Variants in ACADS observed in about 807,000 individuals in gnomAD.
ACADS encodes short-chain specific acyl-CoA dehydrogenase, mitochondrial.
ACADS carries 28 observed loss-of-function variants against 46.8 expected under a neutral mutation model. The observed-to-expected ratio is 0.60, with a 90% CI of 0.44 to 0.82. The LOEUF (loss-of-function observed/expected upper bound fraction) is 0.82. Ranked by LOEUF, ACADS falls within the 40% of genes least tolerant of loss-of-function variation. The probability of loss-of-function intolerance (pLI) is 0.00; values close to 1 mark genes in which losing one functional copy is unlikely to be tolerated. For synonymous variants in ACADS, 236 were observed against 237.7 expected, an observed-to-expected ratio of 0.99 and a Z score of 0.07; for missense variants, 528 against 578.0, an observed-to-expected ratio of 0.91 and a Z score of 0.89.
At chr12:120,737,182 C>T (rs1883479140) in intron 3 of ACADS, 47 bp downstream of exon 3, 1 of 1,553,394 alleles carries the variant, frequency 6.4e-7, no homozygotes, top group Non-Finnish European at 8.7e-7. Context: ...GAGGGAGGCT[C>T]CCGTGAGCGG....
chr12:120,737,292 G>A (rs1194349233), intron 3 of ACADS, 64 bp from the exon 4 acceptor site: 9 of 1,550,874 alleles, frequency 5.8e-6, no homozygotes, highest in African/African-American at 2.7e-5. Context: ...CTGAGGTGCA[G>A]CCCGCAGGTG....
rs945672538 is a variant in ACADS, at chr12:120,725,895, G to A, written c.10G>A (p.Ala4Thr). The change falls in exon 1 of 10, where the codon GCG becomes ACG. Residue 4 changes from alanine to threonine, a missense_variant. Transcript: ENST00000242592. MAA[A>T]LLARASGPAR... is the part of the protein sequence containing the mutation. Reference sequence around the variant, plus strand: ...ACTGTGTCTGTCGCCCATGGCCGCCGCGCTGCTCGCCCGGGCCTCGGGCCC... The same window carrying A: ...ACTGTGTCTGTCGCCCATGGCCGCCACGCTGCTCGCCCGGGCCTCGGGCCC... The A allele has an allele frequency of 7.1e-6, 11 of 1,555,276 alleles. No homozygotes were observed. In the African/African-American group the frequency reaches 1.2e-4, roughly 18 times the overall value.
At chr12:120,731,431 G>A (rs1216656766) in intron 2 of ACADS, among the ~76,000 whole-genome samples, 2 of 150,912 alleles carry the variant, frequency 1.3e-5, no homozygotes, top group Non-Finnish European at 2.9e-5. Flanking sequence ...TTGTCCAGCA[G>A]CAGAGGTGTT....
rs539430171 is a variant in ACADS at position 120,739,764 on chromosome 12, G to C, written c.*316G>C. 1.9e-5 allele frequency: 8 copies of C among 417,432 alleles called. No homozygotes were observed. Among genetic ancestry groups the C allele is most frequent in the African/African-American group, 6.0e-5 (3 of 49,622 alleles). 25.9% of individuals were successfully genotyped at this position (417,432 alleles called of 1,614,324 possible). A position where few individuals can be genotyped will look rare whatever the true frequency, so the allele number is the denominator to read the frequency against. ...CAGTTGTCCTCCCGCGGGCCCTGGT[G>C]CCCTGGCATGAAGGCCCAGTGCGAC... is the stretch of plus-strand genomic sequence containing the variant. On this transcript the variant is annotated 3_prime_UTR_variant, in exon 10 of 10. Transcript: ENST00000242592.
In ACADS at chr12:120,726,062, G is replaced by A. The variant is rs1337796202; in HGVS notation, c.46+131G>A. 8 of 966,390 alleles carry A rather than the reference G, an allele frequency of 8.3e-6. No individual in the cohort carries two copies. In the East Asian group the frequency reaches 2.5e-4, roughly 30 times the overall value. 59.9% of individuals were successfully genotyped at this position (966,390 alleles called of 1,614,324 possible). ...CACTCCGGGAGCGCTCACGGCCTTTGCCCCAGTTCTGCTGCTCCTTGCGCC... is the reference window on the plus strand; with the variant it reads ...CACTCCGGGAGCGCTCACGGCCTTTACCCCAGTTCTGCTGCTCCTTGCGCC... On this transcript the variant is annotated intron_variant, in intron 1 of 9. Transcript: ENST00000242592.
chr12:120,727,873 T>TG (rs1883133582), intron 2 of ACADS, among the ~76,000 whole-genome samples: 1 of 151,816 alleles, frequency 6.6e-6, no homozygotes, highest in African/African-American at 2.4e-5. Flanking sequence ...GACTCAGACT[T>TG]GTGAACAAGT....
rs892321574 is a variant in ACADS at position 120,737,842 on chromosome 12, G to A, written c.478G>A (p.Gly160Ser). 4.3e-6 allele frequency: 7 copies of A among 1,613,836 alleles called. No individual in the cohort carries two copies. The highest frequency in any genetic ancestry group is 3.3e-5 in the Admixed American group (2 of 60,000). Residue 160 changes from glycine to serine, a missense_variant, in exon 5 of 10, where the codon GGC (glycine) becomes AGC (serine). Coordinates refer to ENST00000242592, the MANE Select transcript of ACADS (RefSeq NM_000017.4). Reference sequence around the variant, plus strand: ...CCCTGGGTCTGTGTGGGCAGGGAACGGCAGTGATGCAGGAGCTGCGTCCAC... The same window carrying A: ...CCCTGGGTCTGTGTGGGCAGGGAACAGCAGTGATGCAGGAGCTGCGTCCAC... ...GCFALSEPGNGSDAGAASTTA... is the reference protein window; with the variant it reads ...GCFALSEPGNSSDAGAASTTA...
Position 120,738,652 on chromosome 12 carries a change from C to G in ACADS, c.915C>G (p.Thr305=). The part of the protein sequence containing the change: ...ENRMAFGAPL[T]KLQVIQFKLA... ...GCATGGCCTTCGGGGCGCCCCTCAC[C>G]AAGCTCCAGGTCATCCAGGTAATGG... Residue 305 remains threonine (T), a synonymous_variant, in exon 7 of 10, where the codon ACC becomes ACG. Transcript: ENST00000242592. The G allele has an allele frequency of 6.2e-7, 1 of 1,612,490 alleles. No homozygotes were observed. The highest frequency in any genetic ancestry group is 8.5e-7 in the Non-Finnish European group (1 of 1,180,016).
rs11065234 is a variant in ACADS, at chr12:120,733,257, G to A, written c.211-3729G>A. On this transcript the variant is annotated intron_variant, in intron 2 of 9. Coordinates refer to ENST00000242592, the MANE Select transcript of ACADS (RefSeq NM_000017.4). Reference sequence around the variant, plus strand: ...CCGGGGGGAGAGGGAGAGGGAGAGGGAGAGGGAGAATCCTTGTATTTTTAG... The same window carrying A: ...CCGGGGGGAGAGGGAGAGGGAGAGGAAGAGGGAGAATCCTTGTATTTTTAG... Among the ~76,000 whole-genome samples the A allele has an allele frequency of 0.019, 2,867 of 151,926 alleles. 234 individuals carry two copies. In the East Asian group the frequency reaches 0.27, roughly 14 times the overall value.
chr12:120,739,307 C>G lies in ACADS; in HGVS notation c.1098C>G (p.Ile366Met), dbSNP rs953695669. 6.2e-7 allele frequency: 1 copy of G among 1,613,046 alleles called. No homozygotes were observed. The highest frequency in any genetic ancestry group is 1.3e-5 in the African/African-American group (1 of 75,052). ...ATAISHQAIQ[I>M]LGGMGYVTEM... is the part of the protein sequence containing the mutation. ...TGTTCTCATCTCAGGCCATCCAGAT[C>G]CTGGGCGGCATGGGCTACGTGACAG... The change falls in exon 10 of 10, where the codon ATC becomes ATG. Residue 366 changes from isoleucine to methionine, a missense_variant. Physicochemically the swap from Ile to Met is conservative, Grantham distance 10 (BLOSUM62 1). Transcript: ENST00000242592.
chr12:120,738,620 G>C lies in ACADS; in HGVS notation c.883G>C (p.Glu295Gln). The C allele has an allele frequency of 1.2e-6, 2 of 1,613,330 alleles. No homozygotes were observed. Among genetic ancestry groups the C allele is most frequent in the Non-Finnish European group, 1.7e-6 (2 of 1,180,034 alleles). ...TALDCAVNYA[E>Q]NRMAFGAPLT... ...CCTCGATTGTGCTGTGAACTACGCTGAGAATCGCATGGCCTTCGGGGCGCC... is the reference window on the plus strand; with the variant it reads ...CCTCGATTGTGCTGTGAACTACGCTCAGAATCGCATGGCCTTCGGGGCGCC... Residue 295 changes from glutamate to glutamine, a missense_variant, in exon 7 of 10, where the codon GAG (glutamate) becomes CAG (glutamine). Glu to Gln is a conservative substitution (Grantham distance 29). Coordinates refer to ENST00000242592, the MANE Select transcript of ACADS (RefSeq NM_000017.4).
chr12:120,734,191 C>T (rs535204724), intron 2 of ACADS, among the ~76,000 whole-genome samples: 10 of 152,350 alleles, frequency 6.6e-5, no homozygotes, highest in South Asian at 2.1e-4. Flanking sequence ...CATCTCCAGA[C>T]GCTTCACTTA....
chr12:120,733,567 GCC>G (rs1883338365), intron 2 of ACADS, among the ~76,000 whole-genome samples: 1 of 88,424 alleles, frequency 1.1e-5, no homozygotes, highest in Non-Finnish European at 2.5e-5. Flanking sequence ...CTGAAATGGT[GCC>G]TGCTGAAATG....
chr12:120,726,582 C>A (rs1252868904), intron 1 of ACADS, among the ~76,000 whole-genome samples: 1 of 152,228 alleles, frequency 6.6e-6, no homozygotes, highest in Non-Finnish European at 1.5e-5. Context: ...CTCCGAGGAG[C>A]GGAATACTAT....
chr12:120,738,421 G>A lies in ACADS; in HGVS notation c.766G>A (p.Glu256Lys), dbSNP rs1351209913. The A allele has an allele frequency of 1.2e-6, 2 of 1,612,644 alleles. No individual in the cohort carries two copies. Among genetic ancestry groups the A allele is most frequent in the Non-Finnish European group, 1.7e-6 (2 of 1,180,018 alleles). Residue 256 changes from glutamate (E) to lysine (K), a missense_variant, in exon 6 of 10, where the codon GAG becomes AAG. Transcript: ENST00000242592. ...CATCCCCAAGGACAGCATCCTGGGG[G>A]AGCCAGGGATGGGCTTCAAGATAGC... Reference protein sequence around the residue: ...CRIPKDSILGEPGMGFKIAMQ... With the variant: ...CRIPKDSILGKPGMGFKIAMQ...
Position 120,728,647 on chromosome 12 carries a change from C to T in ACADS, c.210+1458C>T, listed in dbSNP as rs1239196236. Among the ~76,000 whole-genome samples the T allele has an allele frequency of 2.0e-5, 3 of 151,902 alleles. No individual in the cohort carries two copies. Among genetic ancestry groups the T allele is most frequent in the Non-Finnish European group, 4.4e-5 (3 of 67,988 alleles). On this transcript the variant is annotated intron_variant, in intron 2 of 9. Coordinates refer to ENST00000242592, the MANE Select transcript of ACADS (RefSeq NM_000017.4). The surrounding 1 kb of genome is among the most constrained non-coding windows in gnomAD (Gnocchi z 4.0). ...TCAGCCTCCCGAGTAGCTGGGATTA[C>T]AGGCGCACACCACCATACCCGGCTA...
rs775074247 is a variant in ACADS at position 120,739,287 on chromosome 12, T to C, written c.1087-9T>C. 1 of 1,613,046 alleles carries C rather than the reference T, an allele frequency of 6.2e-7. No individual in the cohort carries two copies. The highest frequency in any genetic ancestry group is 8.5e-7 in the Non-Finnish European group (1 of 1,179,966). On this transcript the variant is annotated splice_polypyrimidine_tract_variant and intron_variant, in intron 9 of 9. Coordinates refer to ENST00000242592, the MANE Select transcript of ACADS (RefSeq NM_000017.4). ...TCTTCTCCCTCCTGAGCCACTGTTCTCATCTCAGGCCATCCAGATCCTGGG... is the reference window on the plus strand; with the variant it reads ...TCTTCTCCCTCCTGAGCCACTGTTCCCATCTCAGGCCATCCAGATCCTGGG...
At chr12:120,731,949 T>TG (rs1566024855) in intron 2 of ACADS, among the ~76,000 whole-genome samples, 2 of 152,212 alleles carry the variant, frequency 1.3e-5, no homozygotes, top group African/African-American at 2.4e-5. Flanking sequence ...AGCACAGGGT[T>TG]GGGGGTAAGG....
intron 1 of ACADS, 94 bp from the exon 2 acceptor site, chr12:120,726,932 G>A: frequency 6.9e-7 from 1 of 1,456,094 alleles, no homozygotes. Context: ...ATGTCCCTTG[G>A]AGGGCAAAAT....
Sources: allele counts gnomAD v4.1 joint callset (sites outside exome capture counted in the v4.1 genomes callset), GRCh38; gene constraint gnomAD v4.1.1; non-coding constraint Gnocchi (gnomAD v3.1); transcripts MANE v1.5; gene names NCBI Gene and HGNC (gene_info 2026-07-23, HGNC 2026-07-21).